PXDN: variants seen among roughly 807,000 people sequenced by gnomAD.
PXDN encodes peroxidasin.
PXDN carries 77 observed loss-of-function variants against 140.3 expected under a neutral mutation model. The observed-to-expected ratio is 0.55, with a 90% confidence interval of 0.46 to 0.66. The LOEUF (loss-of-function observed/expected upper bound fraction) is 0.66. Among genes scored for constraint, PXDN ranks in the 30% least tolerant of loss-of-function variants. PXDN has a pLI of 0.00. For missense variants in PXDN, 1,838 were observed against 2,039.5 expected (o/e 0.90, Z 1.90); for synonymous variants, 911 against 857.4 (o/e 1.06, Z -1.09).
At chr2:1,742,423 G>A (rs1295771267) in intron 1 of PXDN, among the ~76,000 whole-genome samples, 1 of 152,202 alleles carries the variant, frequency 6.6e-6, no homozygotes, top group Non-Finnish European at 1.5e-5. Flanking sequence ...GCGAGTGGAC[G>A]ATGATGTCAC....
intron 1 of PXDN, among the ~76,000 whole-genome samples, chr2:1,733,177 AC>A (rs1330225483): frequency 6.6e-6 from 1 of 152,114 alleles, no homozygotes; most frequent in Non-Finnish European, 1.5e-5. Flanking sequence ...AAGATGAAAC[AC>A]CCCCAGATTT....
Position 1,660,495 on chromosome 2 carries a change from A to G in PXDN, c.1837+386T>C, listed in dbSNP as rs1263195084. Among the ~76,000 whole-genome samples the G allele has an allele frequency of 6.6e-6, 1 of 152,206 alleles. No homozygotes were observed. The highest frequency in any genetic ancestry group is 1.5e-5 in the Non-Finnish European group (1 of 68,034). On this transcript the variant is annotated intron_variant, in intron 14 of 22. Transcript: ENST00000252804. This position sits in a 1 kb window ranked among gnomAD's most constrained non-coding sequence, Gnocchi z 4.6. Reference sequence around the variant, plus strand: ...GAGGAGAGAGAAACCGCAGCTAAGGAATCAGAATCTCTTCAAGCAACCATA... The same window carrying G: ...GAGGAGAGAGAAACCGCAGCTAAGGGATCAGAATCTCTTCAAGCAACCATA...
intron 6 of PXDN, 94 bp downstream of exon 6, chr2:1,683,562 A>ATCCACCCTC: frequency 1.9e-6 from 1 of 538,958 alleles, no homozygotes; most frequent in Non-Finnish European, 2.7e-6. Context: ...ATTGTTATCA[A>ATCCACCCTC]CATTTCACAA....
At chr2:1,673,619 C>T (rs775436074) in intron 9 of PXDN, 24 bp downstream of exon 9, 12 of 1,594,706 alleles carry the variant, frequency 7.5e-6, no homozygotes, top group Middle Eastern at 1.7e-4. Context: ...GATGGAACCC[C>T]GGTGTGAAAT....
rs139885118 is a variant in PXDN at position 1,709,751 on chromosome 2, C to T, written c.201-16617G>A. ...TAGATGAGGTCCTGAGAACAAGCCC[C>T]ATCATGAGATTCGTGTCCTTCTAGG... On this transcript the variant is annotated intron_variant, in intron 1 of 22. Transcript: ENST00000252804. Among the ~76,000 whole-genome samples the T allele has an allele frequency of 2.6e-3, 394 of 152,298 alleles. 6 individuals are homozygous for T. Among genetic ancestry groups the T allele is most frequent in the East Asian group, 6.6e-3 (34 of 5,168 alleles).
chr2:1,653,676 T>TGAGCTGC lies in PXDN; in HGVS notation c.2049_2055dup (p.Ile686AlafsTer66), dbSNP rs1291658525. On this transcript the variant is annotated frameshift_variant, in exon 16 of 23. Coordinates refer to ENST00000252804, the MANE Select transcript of PXDN (RefSeq NM_012293.3). LOFTEE classifies it high-confidence loss of function. ...AAGCCATGCTGTACATGCTCCTGAA[T>TGAGCTGC]GAGCTGCAATGTCCGTTCAAAGATT... The TGAGCTGC allele has an allele frequency of 6.2e-7, 1 of 1,611,916 alleles. No homozygotes were observed. Among genetic ancestry groups the TGAGCTGC allele is most frequent in the Non-Finnish European group, 8.5e-7 (1 of 1,179,176 alleles).
chr2:1,740,154 TGC>T (rs1685507459), intron 1 of PXDN, among the ~76,000 whole-genome samples: 1 of 152,028 alleles, frequency 6.6e-6, no homozygotes, highest in African/African-American at 2.4e-5. Flanking sequence ...AGCAGGAGGG[TGC>T]AGAGGAGGAG....
In PXDN at chr2:1,679,440, G is replaced by A. The variant is rs183555517; in HGVS notation, c.730+753C>T. On this transcript the variant is annotated intron_variant, in intron 7 of 22. Transcript: ENST00000252804. ...GTGTGTGGTGTGTGTGTGTATGTGC[G>A]TGTGTGTGTGGATGGTTTATGTCTG... 7.0e-3 allele frequency among the ~76,000 whole-genome samples: 984 copies of A among 141,024 alleles called. 9 individuals carry two copies. The highest frequency in any genetic ancestry group is 0.012 in the Non-Finnish European group (758 of 65,722). 92.5% of individuals were successfully genotyped at this position (141,024 alleles called of 152,430 possible). A position where few individuals can be genotyped will look rare whatever the true frequency, so the allele number is the denominator to read the frequency against.
intron 1 of PXDN, among the ~76,000 whole-genome samples, chr2:1,706,066 G>A (rs1027800843): frequency 6.6e-6 from 1 of 152,148 alleles, no homozygotes; most frequent in Non-Finnish European, 1.5e-5. Flanking sequence ...GTCAGAGCGA[G>A]AACTTGGATC....
Position 1,663,524 on chromosome 2 carries a change from C to G in PXDN, c.1567+81G>C. ...CAACGCTTTATAACGAAGAGTAACA[C>G]TAATGTCAGCTGCGGAATTCTGTGT... On this transcript the variant is annotated intron_variant, in intron 12 of 22. Coordinates refer to ENST00000252804, the MANE Select transcript of PXDN (RefSeq NM_012293.3). 3 of 1,549,580 alleles carry G rather than the reference C, an allele frequency of 1.9e-6. No individual in the cohort carries two copies. The African/African-American group carries it at 4.1e-5, about 21-fold the overall frequency.
chr2:1,711,504 T>G (rs1331629232), intron 1 of PXDN, among the ~76,000 whole-genome samples: 44 of 79,586 alleles, frequency 5.5e-4, no homozygotes, highest in African/African-American at 2.3e-3. Flanking sequence ...CAGCACCCAC[T>G]CTCCACCAGC....
rs765374054 is a variant in PXDN, at chr2:1,663,687, G to A, written c.1485C>T (p.His495=). 85 of 1,613,878 alleles carry A rather than the reference G, an allele frequency of 5.3e-5. No individual in the cohort carries two copies. Among genetic ancestry groups the A allele is most frequent in the Admixed American group, 1.5e-4 (9 of 60,012 alleles). ...GTLRISGVAL[H]DQGQYECQAV... is the part of the protein sequence containing the mutation. ...CCTGGCATTCGTACTGGCCCTGGTC[G>A]TGGAGGGCAACACCAGAGATTCTAA... Residue 495 remains histidine, a synonymous_variant, in exon 12 of 23, where the codon CAC becomes CAT. Coordinates refer to ENST00000252804, the MANE Select transcript of PXDN (RefSeq NM_012293.3).
intron 10 of PXDN, among the ~76,000 whole-genome samples, chr2:1,665,947 T>TA (rs1161743441): frequency 2.6e-5 from 4 of 152,182 alleles, no homozygotes; most frequent in Admixed American, 2.6e-4. Context: ...ACTTATCTGA[T>TA]AGACACTCCT....
chr2:1,652,027 A>T (rs543741203), intron 16 of PXDN, among the ~76,000 whole-genome samples: 9 of 152,280 alleles, frequency 5.9e-5, no homozygotes, highest in Non-Finnish European at 1.2e-4. Context: ...TAAACAGCAA[A>T]TGTATAAAAT....
chr2:1,636,694 G>GAAA (rs1314423030), intron 21 of PXDN: 92,657 of 140,788 alleles, frequency 0.66, 32,084 homozygotes, highest in East Asian at 0.96. Context: ...AACCATGGGG[G>GAAA]AAAAAAAAAA....
At chr2:1,728,391 C>G (rs1685239228) in intron 1 of PXDN, among the ~76,000 whole-genome samples, 1 of 152,270 alleles carries the variant, frequency 6.6e-6, no homozygotes. Context: ...CCGGAGAATA[C>G]AGTCCCTCCG....
At chr2:1,694,974 A>C (rs775909351) in intron 1 of PXDN, among the ~76,000 whole-genome samples, 25 of 152,250 alleles carry the variant, frequency 1.6e-4, no homozygotes, top group Non-Finnish European at 2.9e-4. Context: ...CGGAAGGCCG[A>C]GCCACGCATC....
intron 1 of PXDN, among the ~76,000 whole-genome samples, chr2:1,720,388 C>CAGAG (rs766170032): frequency 6.4e-5 from 5 of 78,624 alleles, no homozygotes; most frequent in African/African-American, 2.5e-4. Context: ...GGGAGGGATG[C>CAGAG]AGAGAGAGAG....
Position 1,639,527 on chromosome 2 carries a change from CA to C in PXDN, c.3953-106del, listed in dbSNP as rs1211347572. ...AAGTCTTCACTGGCTGCCCGTGGAA[CA>C]AACTGTGGCACATTTCAGTGAGGCA... On this transcript the variant is annotated intron_variant, in intron 19 of 22. Transcript: ENST00000252804. The surrounding 1 kb of genome is among the most constrained non-coding windows in gnomAD (Gnocchi z 5.0). 1 of 1,537,848 alleles carries C rather than the reference CA, an allele frequency of 6.5e-7. No homozygotes were observed. Among genetic ancestry groups the C allele is most frequent in the Admixed American group, 1.7e-5 (1 of 57,464 alleles).
Sources: allele counts gnomAD v4.1 joint callset (sites outside exome capture counted in the v4.1 genomes callset), GRCh38; gene constraint gnomAD v4.1.1; non-coding constraint Gnocchi (gnomAD v3.1); transcripts MANE v1.5; gene names NCBI Gene and HGNC (gene_info 2026-07-23, HGNC 2026-07-21).